ACIN1: variants seen among roughly 807,000 people sequenced by gnomAD.
The protein encoded by ACIN1 is apoptotic chromatin condensation inducer in the nucleus.
A neutral mutation model predicts 146.6 loss-of-function variants in ACIN1; 16 were observed. That is an observed-to-expected ratio of 0.11 (90% confidence interval 0.07 to 0.17). The LOEUF is 0.17. Among genes scored for constraint, ACIN1 ranks in the 10% least tolerant of loss-of-function variants. The pLI, the probability that ACIN1 is intolerant of heterozygous loss-of-function variation, is 1.00. For missense variants in ACIN1, 1,357 were observed against 1,609.3 expected (o/e 0.84, Z 2.68); for synonymous variants, 569 against 582.7 (o/e 0.98, Z 0.34).
chr14:23,089,967 G>T lies in ACIN1; in HGVS notation c.436+15C>A, dbSNP rs377029581. The T allele has an allele frequency of 6.3e-7, 1 of 1,596,048 alleles. No individual in the cohort carries two copies. The highest frequency in any genetic ancestry group is 8.6e-7 in the Non-Finnish European group (1 of 1,168,482). ...AGGATTGACAAAACAGCGCAGTGGGGAGGGAGATACGTACTGGGCGAATGT... is the reference window on the plus strand; with the variant it reads ...AGGATTGACAAAACAGCGCAGTGGGTAGGGAGATACGTACTGGGCGAATGT... On this transcript the variant is annotated intron_variant, in intron 4 of 18. Transcript: ENST00000605057.
chr14:23,075,323 C>CTT lies in ACIN1; in HGVS notation c.2123+2826_2123+2827dup, dbSNP rs11423392. 7.7e-3 allele frequency among the ~76,000 whole-genome samples: 1,025 copies of CTT among 133,320 alleles called. 12 individuals are homozygous for CTT. Among genetic ancestry groups the CTT allele is most frequent in the African/African-American group, 0.021 (750 of 34,930 alleles). The allele number at this position is 133,320 out of a possible 152,430, so 87.5% of individuals were successfully genotyped here. A position where few individuals can be genotyped will look rare whatever the true frequency, so the allele number is the denominator to read the frequency against. ...CAAATCCCCTCTTTTCTTTCTTCCC[C>CTT]TTTTTTTTTTTTTTTTTTTAAGTAA... On this transcript the variant is annotated intron_variant, in intron 8 of 18. Transcript: ENST00000605057.
At chr14:23,071,641 T>A in intron 8 of ACIN1, 13 of 1,303,624 alleles carry the variant, frequency 1.0e-5, no homozygotes, top group South Asian at 2.9e-5. Flanking sequence ...GGGAGGGAGC[T>A]GAGTGAGCAA....
intron 4 of ACIN1, among the ~76,000 whole-genome samples, chr14:23,087,047 A>T (rs2048106779): frequency 6.6e-6 from 1 of 152,160 alleles, no homozygotes; most frequent in East Asian, 1.9e-4. Context: ...AATCTCCCTC[A>T]GGTGCCAGTA....
In ACIN1 at chr14:23,080,207, G is replaced by A. The variant is rs377659851; in HGVS notation, c.1128C>T (p.Ser376=). 2.7e-5 allele frequency: 44 copies of A among 1,614,036 alleles called. 1 individual carries two copies. Among genetic ancestry groups the A allele is most frequent in the South Asian group, 1.9e-4 (17 of 91,076 alleles). ...SSPPPHPQLH[S]EEEIEPMEGP... ...CTTCCATGGGCTCTATTTCTTCTTC[G>A]CTATGGAGCTGTGGATGAGGTGGTG... Residue 376 remains serine, a synonymous_variant, in exon 6 of 19, where the codon AGC becomes AGT. Coordinates refer to ENST00000605057, the MANE Select transcript of ACIN1 (RefSeq NM_001386863.1).
At chr14:23,081,035 A>C (rs1475026896) in intron 5 of ACIN1, among the ~76,000 whole-genome samples, 1 of 152,264 alleles carries the variant, frequency 6.6e-6, no homozygotes, top group South Asian at 2.1e-4. Context: ...TATGTAGTTT[A>C]AATTTTAGCT....
At position 23,080,209 on chromosome 14, in the gene ACIN1, T is replaced by C. The variant is rs769727889; in HGVS notation, c.1126A>G (p.Ser376Gly). ...TCCATGGGCTCTATTTCTTCTTCGC[T>C]ATGGAGCTGTGGATGAGGTGGTGGA... ...SSPPPHPQLHSEEEIEPMEGP... is the reference protein window; with the variant it reads ...SSPPPHPQLHGEEEIEPMEGP... Residue 376 changes from serine to glycine, a missense_variant, in exon 6 of 19, where the codon AGC (serine) becomes GGC (glycine). Ser to Gly is a moderately conservative substitution (Grantham distance 56). This residue lies in a region of ACIN1 where 771 missense variants were observed against 746.6 expected (regional missense o/e 1.03). Transcript: ENST00000605057. The C allele has an allele frequency of 4.3e-6, 7 of 1,614,158 alleles. No homozygotes were observed. The Admixed American group carries it at 1.2e-4, about 27-fold the overall frequency.
At chr14:23,071,898 G>C (rs947033146) in intron 8 of ACIN1, among the ~76,000 whole-genome samples, 1 of 152,176 alleles carries the variant, frequency 6.6e-6, no homozygotes, top group African/African-American at 2.4e-5. Flanking sequence ...GAGTGAAAAA[G>C]GATTAAATAA....
In ACIN1 at chr14:23,062,422, A is replaced by G. The variant is rs761483272; in HGVS notation, c.2985T>C (p.Phe995=). Residue 995 remains phenylalanine, a synonymous_variant, in exon 15 of 19, where the codon TTT becomes TTC. Transcript: ENST00000605057. ...FWIDKIKSHC[F]VTYSTVEEAV... is the part of the protein sequence containing the mutation. Reference sequence around the variant, plus strand: ...ATCAGCTTCTTCCCCTCACCGTTACAAAGCAATGAGATTTGATCTTGTCAA... The same window carrying G: ...ATCAGCTTCTTCCCCTCACCGTTACGAAGCAATGAGATTTGATCTTGTCAA... The G allele has an allele frequency of 6.2e-7, 1 of 1,614,102 alleles. No individual in the cohort carries two copies. The highest frequency in any genetic ancestry group is 1.1e-5 in the South Asian group (1 of 91,080).
chr14:23,090,528 G>T lies in ACIN1; in HGVS notation c.310C>A (p.Leu104Ile), dbSNP rs2048203699. The T allele has an allele frequency of 6.2e-7, 1 of 1,613,742 alleles. No homozygotes were observed. Among genetic ancestry groups the T allele is most frequent in the African/African-American group, 1.3e-5 (1 of 74,912 alleles). ...AGTGACAATCTGGGCTTACCTTCAA[G>T]TTCTGCAGCTTCTCGAGCTTCACGT... Reference protein sequence around the residue: ...LEREAREAAELEEASAESEDE... With the variant: ...LEREAREAAEIEEASAESEDE... Residue 104 changes from leucine (L) to isoleucine (I), a missense_variant, in exon 3 of 19, where the codon CTT (leucine) becomes ATT (isoleucine). By Grantham distance (5) the Leu-to-Ile change is conservative. This residue lies in a region of ACIN1 where 55 missense variants were observed against 123.9 expected (regional missense o/e 0.44). Transcript: ENST00000605057.
intron 1 of ACIN1, chr14:23,094,742 G>T: frequency 1.4e-6 from 1 of 716,718 alleles, no homozygotes; most frequent in Non-Finnish European, 2.2e-6. Context: ...CACTCCTGGA[G>T]AGTAGTGCAC....
chr14:23,095,282 C>CA (rs1566763663), upstream of ACIN1: 2 of 1,595,428 alleles, frequency 1.3e-6, no homozygotes, highest in South Asian at 2.2e-5. Flanking sequence ...TTTCCGTCTC[C>CA]ACATCGTTAC....
chr14:23,091,880 T>G (rs2048239518), intron 2 of ACIN1, among the ~76,000 whole-genome samples: 1 of 152,114 alleles, frequency 6.6e-6, no homozygotes, highest in South Asian at 2.1e-4. Flanking sequence ...CGCCTTGGCC[T>G]CCCAAAGTGC....
intron 8 of ACIN1, 31 bp from the exon 9 acceptor site, chr14:23,069,648 G>GCGGGGGGGGGGGGGCC: frequency 1.7e-6 from 1 of 589,384 alleles, no homozygotes; most frequent in Non-Finnish European, 3.2e-6. Context: ...TGGTGGGGGG[G>GCGGGGGGGGGGGGGCC]CGGGCAGAAA....
chr14:23,063,653 G>C (rs2047359369), intron 12 of ACIN1, 76 bp from the exon 13 acceptor site: 1 of 1,552,028 alleles, frequency 6.4e-7, no homozygotes, highest in South Asian at 1.1e-5. Context: ...CTGGTTCCCC[G>C]GTAAGAGTAG....
At chr14:23,093,656 A>G in intron 1 of ACIN1, 112 bp from the exon 2 acceptor site, 1 of 852,410 alleles carries the variant, frequency 1.2e-6, no homozygotes, top group Non-Finnish European at 1.9e-6. Flanking sequence ...ACACACAATT[A>G]AACTGTATTC....
intron 4 of ACIN1, among the ~76,000 whole-genome samples, chr14:23,083,461 G>A (rs573481758): frequency 1.3e-5 from 2 of 152,296 alleles, no homozygotes; most frequent in East Asian, 1.9e-4. Context: ...GGCCGGGCAC[G>A]GTGGCTCACG....
At chr14:23,074,901 C>T (rs563997824) in intron 8 of ACIN1, among the ~76,000 whole-genome samples, 3 of 152,218 alleles carry the variant, frequency 2.0e-5, no homozygotes, top group East Asian at 1.9e-4. Context: ...TCACGAGGAG[C>T]TGAAAAACTG....
chr14:23,092,722 G>T (rs982916865), intron 2 of ACIN1, among the ~76,000 whole-genome samples: 1 of 152,088 alleles, frequency 6.6e-6, no homozygotes, highest in African/African-American at 2.4e-5. Context: ...ATAATTTTTG[G>T]ATTTTAACTG....
At chr14:23,089,884 A>C in intron 4 of ACIN1, 98 bp downstream of exon 4, 1 of 1,355,614 alleles carries the variant, frequency 7.4e-7, no homozygotes, top group South Asian at 1.9e-5. Flanking sequence ...TTTCCCTGGG[A>C]CTTTCATGGA....
Sources: gnomAD v4.1 joint callset for allele counts (sites outside exome capture counted in the v4.1 genomes callset) on GRCh38, gnomAD v4.1.1 for gene constraint, gnomAD v4.1.1 regional missense constraint, MANE v1.5 for transcripts, NCBI Gene and HGNC (gene_info 2026-07-23, HGNC 2026-07-21) for gene names.